The following TANC2 variants were observed in gnomAD, a reference collection of about 807,000 sequenced individuals.
The protein encoded by TANC2 is tetratricopeptide repeat, ankyrin repeat and coiled-coil containing 2, also known as protein TANC2.
A neutral mutation model predicts 210.5 loss-of-function variants in TANC2; 26 were observed. That is an observed-to-expected ratio of 0.12 (90% CI 0.09 to 0.17). The LOEUF is 0.17. Among genes scored for constraint, TANC2 ranks in the 10% least tolerant of loss-of-function variants. The probability of loss-of-function intolerance (pLI) is 1.00; values close to 1 mark genes in which losing one functional copy is unlikely to be tolerated. For missense variants in TANC2, 2,129 were observed against 2,608.9 expected, an observed-to-expected ratio of 0.82 and a Z score of 4.01; for synonymous variants, 931 against 967.1, an observed-to-expected ratio of 0.96 and a Z score of 0.69.
chr17:63,282,410 C>CT (rs989979314), intron 9 of TANC2, among the ~76,000 whole-genome samples: 6 of 152,034 alleles, frequency 3.9e-5, no homozygotes, highest in African/African-American at 1.4e-4. Context: ...AAAAGCACAA[C>CT]TTACCAAAAC....
chr17:62,987,953 G>C (rs10853043), intron 1 of TANC2, among the ~76,000 whole-genome samples: 325 of 152,180 alleles, frequency 2.1e-3, no homozygotes, highest in Middle Eastern at 6.8e-3. Flanking sequence ...GATTAAAAAG[G>C]CATGTTAGAA....
intron 2 of TANC2, among the ~76,000 whole-genome samples, chr17:63,062,429 G>A (rs1300160785): frequency 1.3e-5 from 2 of 152,124 alleles, no homozygotes; most frequent in Non-Finnish European, 2.9e-5. Context: ...TTAGCATGGA[G>A]CCGTAGCTTG....
At chr17:63,171,272 A>G (rs540987792) in intron 5 of TANC2, among the ~76,000 whole-genome samples, 42 of 151,674 alleles carry the variant, frequency 2.8e-4, no homozygotes, top group African/African-American at 9.9e-4. Flanking sequence ...TAGTAGAGAT[A>G]GGGTTTCACC....
chr17:63,226,706 G>A (rs191175647), intron 7 of TANC2, among the ~76,000 whole-genome samples: 93 of 152,216 alleles, frequency 6.1e-4, no homozygotes, highest in African/African-American at 2.2e-3. Context: ...CCGTCACCTA[G>A]GTATTAAGCC....
chr17:63,221,662 A>T (rs1472138285), intron 7 of TANC2, among the ~76,000 whole-genome samples: 1 of 152,236 alleles, frequency 6.6e-6, no homozygotes, highest in Non-Finnish European at 1.5e-5. Flanking sequence ...ATAGATGTTC[A>T]ATATCAATAA....
intron 11 of TANC2, among the ~76,000 whole-genome samples, chr17:63,327,208 C>T (rs2045676970): frequency 6.6e-6 from 1 of 152,030 alleles, no homozygotes. Context: ...ATGGCTTTTG[C>T]CAAAAAGACG....
At chr17:63,033,914 C>T (rs544881645) in intron 2 of TANC2, among the ~76,000 whole-genome samples, 18 of 152,180 alleles carry the variant, frequency 1.2e-4, no homozygotes, top group African/African-American at 4.1e-4. Flanking sequence ...TTTTGGTGTT[C>T]GGTTTTATGA....
intron 1 of TANC2, among the ~76,000 whole-genome samples, chr17:63,005,308 C>T (rs1305407655): frequency 6.6e-6 from 1 of 152,000 alleles, no homozygotes; most frequent in Non-Finnish European, 1.5e-5. Flanking sequence ...CTTGTTAGTA[C>T]TTCTGTTGAT....
At chr17:63,289,916 T>A (rs1324519752) in intron 9 of TANC2, among the ~76,000 whole-genome samples, 1 of 151,656 alleles carries the variant, frequency 6.6e-6, no homozygotes, top group Non-Finnish European at 1.5e-5. Flanking sequence ...GTAAGCTTCA[T>A]AAGTGTTCCT....
intron 1 of TANC2, among the ~76,000 whole-genome samples, chr17:62,981,465 C>T (rs959908629): frequency 2.6e-5 from 4 of 152,162 alleles, no homozygotes; most frequent in African/African-American, 9.7e-5. Flanking sequence ...CTATTATTCC[C>T]CATTTGCAGC....
chr17:63,422,915 C>G (rs988485118), exon 28 of TANC2: 6 of 152,212 alleles, frequency 3.9e-5, no homozygotes, highest in African/African-American at 1.4e-4. Context: ...AAAGGAAACT[C>G]TAACCGAAGG....
intron 12 of TANC2, among the ~76,000 whole-genome samples, chr17:63,341,811 A>G (rs1218670132): frequency 6.6e-6 from 1 of 152,184 alleles, no homozygotes; most frequent in Admixed American, 6.5e-5. Context: ...CTGATTGCCT[A>G]TTGCCTTCTG....
intron 11 of TANC2, among the ~76,000 whole-genome samples, chr17:63,322,747 TCAC>T: frequency 6.6e-6 from 1 of 152,206 alleles, no homozygotes; most frequent in African/African-American, 2.4e-5. Flanking sequence ...AGTGCTAAGA[TCAC>T]AGAGAATTAA....
chr17:63,242,857 T>C (rs889011657), intron 8 of TANC2, among the ~76,000 whole-genome samples: 6 of 152,094 alleles, frequency 3.9e-5, no homozygotes, highest in African/African-American at 1.2e-4. Flanking sequence ...AAATAATTAT[T>C]CTATTTGAAA....
At chr17:63,156,461 C>T (rs1598488755) in intron 5 of TANC2, among the ~76,000 whole-genome samples, 1 of 147,418 alleles carries the variant, frequency 6.8e-6, no homozygotes, top group African/African-American at 2.5e-5. Context: ...ACAACAAGAA[C>T]AAAAAGCTAG....
chr17:63,004,798 T>C (rs988804373), intron 1 of TANC2: 1 of 354,704 alleles, frequency 2.8e-6, no homozygotes, highest in Non-Finnish European at 5.5e-6. Context: ...TTACCCGCTT[T>C]GGGTACCTTC....
chr17:63,191,194 G>A (rs1286211390), intron 5 of TANC2, among the ~76,000 whole-genome samples: 3 of 151,848 alleles, frequency 2.0e-5, no homozygotes, highest in Non-Finnish European at 2.9e-5. Context: ...ATGAAAATGC[G>A]TGACCTGGTG....
chr17:63,156,776 C>T (rs564188788), intron 5 of TANC2, among the ~76,000 whole-genome samples: 1 of 152,148 alleles, frequency 6.6e-6, no homozygotes, highest in South Asian at 2.1e-4. Context: ...CATACTGCAA[C>T]CACCAACTCC....
At position 63,133,385 on chromosome 17, in the gene TANC2, G is replaced by A. The variant is rs182901201; in HGVS notation, c.323-17885G>A. On this transcript the variant is annotated intron_variant, in intron 4 of 27. Coordinates refer to ENST00000689528, the Ensembl canonical transcript of TANC2. ...CTCCCACAGTGCTGGGATTACAGGC[G>A]TGAGCCACCGCGCCTGGCCAGTAGT... Among the ~76,000 whole-genome samples, 8 of 152,336 alleles carry A rather than the reference G, an allele frequency of 5.3e-5. No individual in the cohort carries two copies. The East Asian group carries it at 9.6e-4, about 18-fold the overall frequency.
Sources: allele counts gnomAD v4.1 joint callset (sites outside exome capture counted in the v4.1 genomes callset), GRCh38; gene constraint gnomAD v4.1.1; transcripts MANE v1.5; gene names NCBI Gene and HGNC (gene_info 2026-07-23, HGNC 2026-07-21).